Variants in TEP1 observed in about 807,000 individuals in gnomAD.
TEP1 encodes telomerase protein component 1.
In TEP1, 241 loss-of-function variants were observed where a neutral mutation model predicts 306.3. The observed-to-expected ratio is 0.79, with a 90% CI of 0.71 to 0.88. The LOEUF (loss-of-function observed/expected upper bound fraction) is 0.88. Among genes scored for constraint, TEP1 ranks in the 40% least tolerant of loss-of-function variants. TEP1 has a pLI of 0.00. For synonymous variants in TEP1, 1,289 were observed against 1,305.5 expected, an observed-to-expected ratio of 0.99 and a Z score of 0.27; for missense variants, 3,051 against 3,276.1, an observed-to-expected ratio of 0.93 and a Z score of 1.68.
At chr14:20,393,629 TA>T (rs1877925577) in intron 12 of TEP1, among the ~76,000 whole-genome samples, 1 of 151,936 alleles carries the variant, frequency 6.6e-6, no homozygotes, top group African/African-American at 2.4e-5. Context: ...CTGTCTCTAC[TA>T]AAAATACAAA....
chr14:20,383,698 G>T (rs1419326520), intron 25 of TEP1, 45 bp downstream of exon 25: 24 of 1,607,358 alleles, frequency 1.5e-5, no homozygotes, highest in Non-Finnish European at 2.0e-5. Context: ...AAGCAGGGGT[G>T]GTACGTGGGC....
chr14:20,406,796 A>G (rs180812417), intron 2 of TEP1, among the ~76,000 whole-genome samples: 107 of 152,368 alleles, frequency 7.0e-4, no homozygotes, highest in Non-Finnish European at 1.1e-3. Context: ...TCTGAACCTC[A>G]GCTTTCTCTC....
Position 20,389,619 on chromosome 14 carries a change from A to G in TEP1, c.2456T>C (p.Val819Ala). The part of the protein sequence containing the change: ...CLFVGILLRR[V>A]QYLSTDLNPN... ...GTATAAGCACCCTTACAGGTATTGTACCCTTCTTAGGAGGATACCAACAAA... is the reference window on the plus strand; with the variant it reads ...GTATAAGCACCCTTACAGGTATTGTGCCCTTCTTAGGAGGATACCAACAAA... Residue 819 changes from valine (V) to alanine (A), a missense_variant, in exon 16 of 55, where the codon GTA becomes GCA. Physicochemically the swap from Val to Ala is moderately conservative, Grantham distance 64 (BLOSUM62 0). Around this residue, in one of 3 missense-constraint regions of TEP1, gnomAD observed 1,507 missense variants for 1,550.5 expected, o/e 0.97. Transcript: ENST00000262715. The G allele has an allele frequency of 6.2e-7, 1 of 1,614,158 alleles. No homozygotes were observed. Among genetic ancestry groups the G allele is most frequent in the Non-Finnish European group, 8.5e-7 (1 of 1,180,004 alleles).
At chr14:20,378,581 G>A (rs1885340700) in intron 37 of TEP1, 46 bp from the exon 38 acceptor site, 1 of 1,612,114 alleles carries the variant, frequency 6.2e-7, no homozygotes, top group Middle Eastern at 1.7e-4. Flanking sequence ...AGAGATGCCT[G>A]AACTTCTCAG....
In TEP1 at chr14:20,372,981, A is replaced by G; in HGVS notation, c.6951+30T>C. ...TACACAGCCAGGGTAGAATTCACACAGACAAAGAACCAAGGGTACACCGAC... is the reference window on the plus strand; with the variant it reads ...TACACAGCCAGGGTAGAATTCACACGGACAAAGAACCAAGGGTACACCGAC... On this transcript the variant is annotated intron_variant, in intron 48 of 54. Coordinates refer to ENST00000262715, the MANE Select transcript of TEP1 (RefSeq NM_007110.5). The G allele has an allele frequency of 2.5e-6, 4 of 1,613,964 alleles. No individual in the cohort carries two copies. In the South Asian group the frequency reaches 3.3e-5, roughly 13 times the overall value.
chr14:20,398,720 G>A (rs1240860257), intron 9 of TEP1, among the ~76,000 whole-genome samples: 1 of 152,104 alleles, frequency 6.6e-6, no homozygotes, highest in African/African-American at 2.4e-5. Context: ...GGACAGAGGT[G>A]CATTCAAACC....
chr14:20,403,478 A>C, intron 6 of TEP1, 30 bp from the exon 7 acceptor site: 2 of 1,613,540 alleles, frequency 1.2e-6, no homozygotes, highest in Non-Finnish European at 1.7e-6. Context: ...AATTTCAAAA[A>C]AAGGGAACTG....
chr14:20,369,541 GGA>G lies in TEP1; in HGVS notation c.7457_7458del (p.Ile2486ThrfsTer17). ...SSFLCASSDG[I>X]LWNLAKCSPE... ...GGGCTGCATTTGGCCAGGTTCCATA[GGA>G]TCCCATCAGAGCTGGCACACAAAAA... On this transcript the variant is annotated frameshift_variant, in exon 53 of 55. Coordinates refer to ENST00000262715, the MANE Select transcript of TEP1 (RefSeq NM_007110.5). LOFTEE classifies it high-confidence loss of function. 1 of 1,614,082 alleles carries G rather than the reference GGA, an allele frequency of 6.2e-7. No individual in the cohort carries two copies. Among genetic ancestry groups the G allele is most frequent in the Admixed American group, 1.7e-5 (1 of 60,000 alleles).
At position 20,389,591 on chromosome 14, in the gene TEP1, G is replaced by A; in HGVS notation, c.2465+19C>T. On this transcript the variant is annotated intron_variant, in intron 16 of 54. Coordinates refer to ENST00000262715, the MANE Select transcript of TEP1 (RefSeq NM_007110.5). Reference sequence around the variant, plus strand: ...ACCACTGATTTCTGACACTGGGCAGGAAGTATAAGCACCCTTACAGGTATT... The same window carrying A: ...ACCACTGATTTCTGACACTGGGCAGAAAGTATAAGCACCCTTACAGGTATT... 2 of 1,612,926 alleles carry A rather than the reference G, an allele frequency of 1.2e-6. No homozygotes were observed. The highest frequency in any genetic ancestry group is 1.1e-5 in the South Asian group (1 of 91,024).
At position 20,368,239 on chromosome 14, in the gene TEP1, A is replaced by G; in HGVS notation, c.*198T>C. 1 of 508,042 alleles carries G rather than the reference A, an allele frequency of 2.0e-6. No individual in the cohort carries two copies. Among genetic ancestry groups the G allele is most frequent in the South Asian group, 3.4e-5 (1 of 29,192 alleles). The allele number at this position is 508,042 out of a possible 1,614,324, so 31.5% of individuals were successfully genotyped here. The stretch of plus-strand genomic sequence containing the variant: ...TAAGAAGAGACACACATTAGAATGT[A>G]CATATACATACACATAGAATATCCT... On this transcript the variant is annotated 3_prime_UTR_variant, in exon 55 of 55. Transcript: ENST00000262715.
At chr14:20,384,900 T>G in intron 21 of TEP1, 85 bp downstream of exon 21, 3 of 1,594,866 alleles carry the variant, frequency 1.9e-6, no homozygotes, top group Non-Finnish European at 2.6e-6. Flanking sequence ...GCACTCCCCT[T>G]CTATACTCTG....
rs754364692 is a variant in TEP1, at chr14:20,403,878, C to G, written c.1039G>C (p.Ala347Pro). 1 of 1,614,092 alleles carries G rather than the reference C, an allele frequency of 6.2e-7. No individual in the cohort carries two copies. Among genetic ancestry groups the G allele is most frequent in the Non-Finnish European group, 8.5e-7 (1 of 1,180,016 alleles). Residue 347 changes from alanine (A) to proline (P), a missense_variant, in exon 6 of 55, where the codon GCT becomes CCT. Around this residue, in one of 3 missense-constraint regions of TEP1, gnomAD observed 1,507 missense variants for 1,550.5 expected, o/e 0.97. Transcript: ENST00000262715. ...IQVAELYQSL[A>P]EGDKNKLVPL... Reference sequence around the variant, plus strand: ...ACCAGCTTATTCTTATCTCCCTCAGCCAGGCTCTGTCAAAGAGAGAGGAGA... The same window carrying G: ...ACCAGCTTATTCTTATCTCCCTCAGGCAGGCTCTGTCAAAGAGAGAGGAGA...
intron 1 of TEP1, among the ~76,000 whole-genome samples, chr14:20,413,073 C>T (rs1879798467): frequency 6.6e-6 from 1 of 152,158 alleles, no homozygotes; most frequent in African/African-American, 2.4e-5. Flanking sequence ...GCCACTGTCC[C>T]CTTTCGATGG....
In TEP1 at chr14:20,378,248, G is replaced by T; in HGVS notation, c.5509-12C>A. Reference sequence around the variant, plus strand: ...GGTGCCCCCAGGTCCTACACAGGGAGGTAGAAATGGAAACGTGAAGACCTG... The same window carrying T: ...GGTGCCCCCAGGTCCTACACAGGGATGTAGAAATGGAAACGTGAAGACCTG... On this transcript the variant is annotated splice_polypyrimidine_tract_variant and intron_variant, in intron 38 of 54. Coordinates refer to ENST00000262715, the MANE Select transcript of TEP1 (RefSeq NM_007110.5). 1 of 1,613,556 alleles carries T rather than the reference G, an allele frequency of 6.2e-7. No individual in the cohort carries two copies. The highest frequency in any genetic ancestry group is 8.5e-7 in the Non-Finnish European group (1 of 1,179,916).
At position 20,404,692 on chromosome 14, in the gene TEP1, C is replaced by A; in HGVS notation, c.951G>T (p.Ala317=). ...AATATCGTCGCAGGTGGGGGCGACACGCCGGCAAGAAAGCAGCAATGGCCA... is the reference window on the plus strand; with the variant it reads ...AATATCGTCGCAGGTGGGGGCGACAAGCCGGCAAGAAAGCAGCAATGGCCA... ...NILAIAAFLP[A]CRPHLRRYFC... Residue 317 remains alanine, a synonymous_variant, in exon 5 of 55, where the codon GCG becomes GCT. Transcript: ENST00000262715. The A allele has an allele frequency of 6.2e-7, 1 of 1,614,094 alleles. No individual in the cohort carries two copies. Among genetic ancestry groups the A allele is most frequent in the South Asian group, 1.1e-5 (1 of 91,078 alleles).
chr14:20,394,474 C>CTTTTTTTTT (rs747749338), intron 12 of TEP1, among the ~76,000 whole-genome samples: 14 of 100,448 alleles, frequency 1.4e-4, no homozygotes, highest in Non-Finnish European at 1.5e-4. Context: ...GCCCCTTGGG[C>CTTTTTTTTT]TTTTTTTTTT....
At position 20,384,131 on chromosome 14, in the gene TEP1, G is replaced by A. The variant is rs149746485; in HGVS notation, c.3441C>T (p.Arg1147=). The A allele has an allele frequency of 2.4e-4, 389 of 1,614,122 alleles. 2 individuals are homozygous for A. In the African/African-American group the frequency reaches 4.8e-3, roughly 20 times the overall value. Reference sequence around the variant, plus strand: ...GCCGTTGCACTGTGTCCTGAAGAAGGCGTGGCCGGGCAGGACTCGGTGGCT... The same window carrying A: ...GCCGTTGCACTGTGTCCTGAAGAAGACGTGGCCGGGCAGGACTCGGTGGCT... The part of the protein sequence containing the change: ...LQKPPSPARP[R]LLQDTVQRLM... Residue 1147 remains arginine, a synonymous_variant, in exon 24 of 55, where the codon CGC becomes CGT. Coordinates refer to ENST00000262715, the MANE Select transcript of TEP1 (RefSeq NM_007110.5).
Position 20,384,399 on chromosome 14 carries a change from A to G in TEP1, c.3331T>C (p.Tyr1111His). The G allele has an allele frequency of 5.0e-6, 8 of 1,614,090 alleles. No individual in the cohort carries two copies. Among genetic ancestry groups the G allele is most frequent in the Non-Finnish European group, 6.8e-6 (8 of 1,179,914 alleles). The change falls in exon 23 of 55, where the codon TAC becomes CAC. Residue 1111 changes from tyrosine (Y) to histidine (H), a missense_variant. Tyr to His is a moderately conservative substitution (Grantham distance 83). This residue lies in a region of TEP1 where 1,507 missense variants were observed against 1,550.5 expected (regional missense o/e 0.97). Transcript: ENST00000262715. ...CCAGTGCTTCTGCTGACCTGCAGGTAGAGCTTCTGGATCATATTCCATACA... is the reference window on the plus strand; with the variant it reads ...CCAGTGCTTCTGCTGACCTGCAGGTGGAGCTTCTGGATCATATTCCATACA... The part of the protein sequence containing the change: ...QDVWNMIQKL[Y>H]LQPGALLEQP...
Position 20,368,481 on chromosome 14 carries a change from C to G in TEP1, c.7840G>C (p.Val2614Leu), listed in dbSNP as rs188816293. The G allele has an allele frequency of 1.1e-5, 17 of 1,614,172 alleles. No homozygotes were observed. Among genetic ancestry groups the G allele is most frequent in the Non-Finnish European group, 1.4e-5 (17 of 1,180,040 alleles). The change falls in exon 55 of 55, where the codon GTG becomes CTG. Residue 2614 changes from valine (V) to leucine (L), a missense_variant. Val to Leu is a conservative substitution (Grantham distance 32, BLOSUM62 1). Transcript: ENST00000262715. Reference protein sequence around the residue: ...LGANSTLQLAVGDVQGNVYFL... With the variant: ...LGANSTLQLALGDVQGNVYFL... ...TACACATTGCCCTGCACGTCTCCCACGGCAAGCTGCAGGGTGGAGTTAGCG... is the reference window on the plus strand; with the variant it reads ...TACACATTGCCCTGCACGTCTCCCAGGGCAAGCTGCAGGGTGGAGTTAGCG...
Sources: allele counts gnomAD v4.1 joint callset (sites outside exome capture counted in the v4.1 genomes callset), GRCh38; gene constraint gnomAD v4.1.1; regional missense constraint gnomAD v4.1.1; transcripts MANE v1.5; gene names NCBI Gene and HGNC (gene_info 2026-07-23, HGNC 2026-07-21).